Variants in TMX2 observed in about 807,000 individuals in gnomAD.
The protein encoded by TMX2 is thioredoxin related transmembrane protein 2.
In TMX2, 20 loss-of-function variants were observed where a neutral mutation model predicts 33.4. The observed-to-expected ratio is 0.60, with a 90% CI of 0.42 to 0.87. TMX2 has a LOEUF of 0.87. TMX2 is among the 40% of genes least tolerant of loss of function. The pLI is 0.00. For missense variants in TMX2, 340 were observed against 370.7 expected (o/e 0.92, Z 0.68); for synonymous variants, 166 against 140.7 (o/e 1.18, Z -1.27).
At chr11:57,739,741 G>C (rs1399365825) in intron 7 of TMX2, among the ~76,000 whole-genome samples, 2 of 150,944 alleles carry the variant, frequency 1.3e-5, no homozygotes, top group East Asian at 3.9e-4. Context: ...TGGGCAACAA[G>C]AGACTCCATC....
rs553748058 is a variant in TMX2, at chr11:57,740,843, G to A, written c.*598G>A. 6.6e-6 allele frequency: 1 copy of A among 152,464 alleles called. No individual in the cohort carries two copies. Among genetic ancestry groups the A allele is most frequent in the African/African-American group, 2.4e-5 (1 of 41,590 alleles). The allele number at this position is 152,464 out of a possible 1,614,324, so 9.4% of individuals were successfully genotyped here. A position where few individuals can be genotyped will look rare whatever the true frequency, so the allele number is the denominator to read the frequency against. ...TGTGGGGATTGAGAAGGGGTGAATA[G>A]AGGCTTGAGACTTTCCTTTGTGTGG... On this transcript the variant is annotated 3_prime_UTR_variant, in exon 8 of 8. Transcript: ENST00000278422.
intron 1 of TMX2, among the ~76,000 whole-genome samples, chr11:57,732,655 A>G (rs1442788059): frequency 2.6e-5 from 4 of 152,214 alleles, no homozygotes; most frequent in Non-Finnish European, 5.9e-5. Flanking sequence ...TGGAAAATTC[A>G]TGGTTCACCT....
At chr11:57,713,562 T>C (rs527520931) in intron 1 of TMX2, among the ~76,000 whole-genome samples, 5 of 152,152 alleles carry the variant, frequency 3.3e-5, no homozygotes, top group Non-Finnish European at 5.9e-5. Flanking sequence ...CCATATAGCA[T>C]GTAGGGGCCA....
intron 1 of TMX2, among the ~76,000 whole-genome samples, chr11:57,715,949 C>G (rs1203700905): frequency 1.3e-5 from 2 of 152,176 alleles, no homozygotes; most frequent in Non-Finnish European, 2.9e-5. Context: ...TATCTTAGTA[C>G]AGAACAAAAT....
At position 57,740,655 on chromosome 11, in the gene TMX2, C is replaced by A. The variant is rs1019658738; in HGVS notation, c.*410C>A. 1 of 160,472 alleles carries A rather than the reference C, an allele frequency of 6.2e-6. No homozygotes were observed. Among genetic ancestry groups the A allele is most frequent in the Non-Finnish European group, 1.4e-5 (1 of 72,686 alleles). The allele number at this position is 160,472 out of a possible 1,614,324, so 9.9% of individuals were successfully genotyped here. A position where few individuals can be genotyped will look rare whatever the true frequency, so the allele number is the denominator to read the frequency against. On this transcript the variant is annotated 3_prime_UTR_variant, in exon 8 of 8. Coordinates refer to ENST00000278422, the MANE Select transcript of TMX2 (RefSeq NM_015959.4). ...TAAGGTAAGATGCTGGGGTATAGAACGCTAAGAATTTTCCCCCAAGGACTC... is the reference window on the plus strand; with the variant it reads ...TAAGGTAAGATGCTGGGGTATAGAAAGCTAAGAATTTTCCCCCAAGGACTC...
chr11:57,719,169 G>A (rs1263395686), intron 1 of TMX2, among the ~76,000 whole-genome samples: 1 of 149,934 alleles, frequency 6.7e-6, no homozygotes, highest in Admixed American at 6.7e-5. Context: ...CTGAGTAGCT[G>A]GGATTACAGG....
rs200782720 is a variant in TMX2 at position 57,740,382 on chromosome 11, A to T, written c.*137A>T. On this transcript the variant is annotated 3_prime_UTR_variant, in exon 8 of 8. Coordinates refer to ENST00000278422, the MANE Select transcript of TMX2 (RefSeq NM_015959.4). ...GGGGCAGCATGCAGCTTCTGATTTTAAAGAGGCATCTAGGGAATTGTCAGG... is the reference window on the plus strand; with the variant it reads ...GGGGCAGCATGCAGCTTCTGATTTTTAAGAGGCATCTAGGGAATTGTCAGG... The T allele has an allele frequency of 1.8e-6, 2 of 1,117,880 alleles. No homozygotes were observed. The highest frequency in any genetic ancestry group is 6.6e-5 in the Admixed American group (2 of 30,362). The allele number at this position is 1,117,880 out of a possible 1,614,324, so 69.2% of individuals were successfully genotyped here.
chr11:57,714,310 C>T (rs1191617146), intron 1 of TMX2, among the ~76,000 whole-genome samples: 3 of 152,152 alleles, frequency 2.0e-5, no homozygotes, highest in Non-Finnish European at 4.4e-5. Flanking sequence ...GATGAGTTCT[C>T]AAAGCTAGGC....
In TMX2 at chr11:57,712,623, C is replaced by G. The variant is rs542757664; in HGVS notation, c.5C>G (p.Ala2Gly). The stretch of plus-strand genomic sequence containing the variant: ...GTGGCCGTTACGGCCGAAAAGATGG[C>G]GGTCTTGGCACCTCTAATTGCTCTC... M[A>G]VLAPLIALVY... The change falls in exon 1 of 8, where the codon GCG becomes GGG. Residue 2 changes from alanine to glycine, a missense_variant. By Grantham distance (60) the Ala-to-Gly change is moderately conservative (BLOSUM62 0). Around this residue, in one of 3 missense-constraint regions of TMX2, gnomAD observed 106 missense variants for 82.7 expected, o/e 1.28. Transcript: ENST00000278422. The G allele has an allele frequency of 1.2e-6, 2 of 1,610,076 alleles. No homozygotes were observed. The highest frequency in any genetic ancestry group is 3.4e-5 in the Admixed American group (2 of 59,658).
chr11:57,713,948 A>AG (rs1946806863), intron 1 of TMX2, among the ~76,000 whole-genome samples: 1 of 152,256 alleles, frequency 6.6e-6, no homozygotes, highest in Non-Finnish European at 1.5e-5. Flanking sequence ...ATGAAAACTC[A>AG]GGGAAGAGAC....
intron 1 of TMX2, among the ~76,000 whole-genome samples, chr11:57,735,909 GT>G (rs1204138476): frequency 2.0e-5 from 3 of 152,316 alleles, no homozygotes; most frequent in African/African-American, 7.2e-5. Flanking sequence ...AGCAATGCTG[GT>G]TAGTTGTTTT....
intron 1 of TMX2, among the ~76,000 whole-genome samples, chr11:57,723,934 ACT>A (rs1180287623): frequency 6.6e-6 from 1 of 151,664 alleles, no homozygotes; most frequent in African/African-American, 2.4e-5. Flanking sequence ...GGGCAACAAA[ACT>A]CTGAGCCCTA....
At chr11:57,722,027 G>T (rs993879026) in intron 1 of TMX2, among the ~76,000 whole-genome samples, 6 of 152,040 alleles carry the variant, frequency 3.9e-5, no homozygotes, top group African/African-American at 1.4e-4. Context: ...ACAGGGTCTT[G>T]TTCTCTTACC....
intron 1 of TMX2, among the ~76,000 whole-genome samples, chr11:57,730,209 CTG>C: frequency 6.9e-6 from 1 of 144,104 alleles, no homozygotes; most frequent in Non-Finnish European, 1.5e-5. Context: ...GGTGGATCAC[CTG>C]ATGTCAGGAG....
At position 57,717,906 on chromosome 11, in the gene TMX2, G is replaced by A. The variant is rs553197919; in HGVS notation, c.189+5099G>A. On this transcript the variant is annotated intron_variant, in intron 1 of 7. Coordinates refer to ENST00000278422, the MANE Select transcript of TMX2 (RefSeq NM_015959.4). ...GCATGTAAGGGAACAAGGAAAACAC[G>A]GAACCCAAAGGGAACTGCAGTGAGA... 2.3e-5 allele frequency: 14 copies of A among 621,088 alleles called. No individual in the cohort carries two copies. The Admixed American group carries it at 2.6e-4, about 12-fold the overall frequency. The allele number at this position is 621,088 out of a possible 1,614,324, so 38.5% of individuals were successfully genotyped here.
chr11:57,726,234 GAAACCCCATCTCTA>G (rs1331865768), intron 1 of TMX2, among the ~76,000 whole-genome samples: 45 of 152,028 alleles, frequency 3.0e-4, no homozygotes, highest in Admixed American at 1.4e-3. Flanking sequence ...GCAACATGGT[GAAACCCCATCTCTA>G]CTAAAATACA....
intron 1 of TMX2, among the ~76,000 whole-genome samples, chr11:57,731,140 TTTTTTTTTTTTTTG>T (rs1948373331): frequency 7.1e-6 from 1 of 140,028 alleles, no homozygotes; most frequent in Non-Finnish European, 1.5e-5. Flanking sequence ...TTTTTTTTTT[TTTTTTTTTTTTTTG>T]AGATCCAGTT....
intron 1 of TMX2, among the ~76,000 whole-genome samples, chr11:57,716,594 G>C (rs1947078345): frequency 7.6e-6 from 1 of 130,946 alleles, no homozygotes; most frequent in Non-Finnish European, 1.6e-5. Context: ...TCCCGGACGG[G>C]GCGGCTGGCC....
At chr11:57,730,719 C>T (rs1303774179) in intron 1 of TMX2, among the ~76,000 whole-genome samples, 1 of 152,082 alleles carries the variant, frequency 6.6e-6, no homozygotes, top group African/African-American at 2.4e-5. Flanking sequence ...GCCTGGGCAA[C>T]GAGTGAAACT....
Sources: gnomAD v4.1 joint callset for allele counts (sites outside exome capture counted in the v4.1 genomes callset) on GRCh38, gnomAD v4.1.1 for gene constraint, gnomAD v4.1.1 regional missense constraint, MANE v1.5 for transcripts, NCBI Gene and HGNC (gene_info 2026-07-23, HGNC 2026-07-21) for gene names.